The following LUZP2 variants were observed in gnomAD, a reference collection of about 807,000 sequenced individuals.
The protein encoded by LUZP2 is leucine zipper protein 2.
A neutral mutation model predicts 51.6 loss-of-function variants in LUZP2; 52 were observed. The observed-to-expected ratio is 1.01, with a 90% CI of 0.81 to 1.27. The LOEUF (loss-of-function observed/expected upper bound fraction) is 1.27. Among genes scored for constraint, LUZP2 ranks in the 50% most tolerant of loss-of-function variants. The pLI, the probability that LUZP2 is intolerant of heterozygous loss-of-function variation, is 0.00. For missense variants in LUZP2, 436 were observed against 395.4 expected (o/e 1.10, Z -0.87); for synonymous variants, 154 against 137.3 (o/e 1.12, Z -0.85).
At chr11:25,002,328 A>G (rs1856705907) in intron 9 of LUZP2, among the ~76,000 whole-genome samples, 1 of 152,162 alleles carries the variant, frequency 6.6e-6, no homozygotes, top group Non-Finnish European at 1.5e-5. Flanking sequence ...GGGACTTCCA[A>G]GAGATCATCT....
chr11:24,795,376 A>G (rs1163415902), intron 5 of LUZP2, among the ~76,000 whole-genome samples: 1 of 152,170 alleles, frequency 6.6e-6, no homozygotes, highest in Admixed American at 6.6e-5. Context: ...TTCACTGAGT[A>G]TATCTGATTC....
At chr11:24,601,943 TATGTATAA>T (rs1285087509) in intron 1 of LUZP2, among the ~76,000 whole-genome samples, 10 of 136,816 alleles carry the variant, frequency 7.3e-5, no homozygotes, top group African/African-American at 1.9e-4. Context: ...TATATGTATA[TATGTATAA>T]ATGTATATAT....
intron 4 of LUZP2, among the ~76,000 whole-genome samples, chr11:24,758,237 C>T (rs1859844519): frequency 6.6e-6 from 1 of 151,832 alleles, no homozygotes; most frequent in Non-Finnish European, 1.5e-5. Flanking sequence ...AAAATGTGTT[C>T]TATGTTTTGA....
intron 5 of LUZP2, among the ~76,000 whole-genome samples, chr11:24,843,427 G>C (rs1851095544): frequency 6.6e-6 from 1 of 151,998 alleles, no homozygotes; most frequent in Admixed American, 6.6e-5. Flanking sequence ...GAAAATGATA[G>C]GCCAATCTTT....
chr11:24,620,927 C>A (rs1854474337), intron 1 of LUZP2, among the ~76,000 whole-genome samples: 1 of 152,156 alleles, frequency 6.6e-6, no homozygotes, highest in Admixed American at 6.5e-5. Context: ...AATGTCATTA[C>A]CAGTTGAAAA....
chr11:24,848,775 G>C (rs1851288426), intron 5 of LUZP2, among the ~76,000 whole-genome samples: 1 of 152,076 alleles, frequency 6.6e-6, no homozygotes. Flanking sequence ...TATGAGACTA[G>C]CATAATTGAC....
intron 6 of LUZP2, 128 bp from the exon 7 acceptor site, chr11:24,914,348 T>A: frequency 2.9e-6 from 2 of 695,670 alleles, no homozygotes; most frequent in Non-Finnish European, 5.0e-6. Flanking sequence ...TCTGCTTTAC[T>A]TCTAAACTGG....
chr11:24,895,963 A>G (rs1319656661), intron 5 of LUZP2, among the ~76,000 whole-genome samples: 4 of 152,220 alleles, frequency 2.6e-5, no homozygotes, highest in Non-Finnish European at 4.4e-5. Context: ...CCAATACTGT[A>G]TAAGTGTTCC....
rs375210334 is a variant in LUZP2 at position 24,851,453 on chromosome 11, C to T, written c.397-54538C>T. Among the ~76,000 whole-genome samples the T allele has an allele frequency of 4.3e-4, 65 of 152,168 alleles. No homozygotes were observed. The East Asian group carries it at 4.6e-3, about 11-fold the overall frequency. On this transcript the variant is annotated intron_variant, in intron 5 of 11. Coordinates refer to ENST00000336930, the MANE Select transcript of LUZP2 (RefSeq NM_001009909.4). ...CAGCCTTGCATCCCAGGGATGAAGC[C>T]GACTTGATCGTAGTGGATAAGCTTT...
In LUZP2 at chr11:24,783,888, G is replaced by A. The variant is rs117797311; in HGVS notation, c.396+20580G>A. 8.9e-3 allele frequency among the ~76,000 whole-genome samples: 1,352 copies of A among 152,038 alleles called. 6 individuals carry two copies. Among genetic ancestry groups the A allele is most frequent in the South Asian group, 0.014 (69 of 4,824 alleles). ...AAATACCTACCTCAAGGTATTTGTA[G>A]CAACAAGGTCTACCTTTGTTGCTGT... On this transcript the variant is annotated intron_variant, in intron 5 of 11. Coordinates refer to ENST00000336930, the MANE Select transcript of LUZP2 (RefSeq NM_001009909.4).
chr11:24,628,783 T>C (rs759402448), intron 1 of LUZP2, among the ~76,000 whole-genome samples: 8 of 152,120 alleles, frequency 5.3e-5, no homozygotes, highest in Non-Finnish European at 1.2e-4. Flanking sequence ...GATCTGGAAC[T>C]CCTGACCTCA....
At chr11:24,618,003 G>T (rs2133900038) in intron 1 of LUZP2, among the ~76,000 whole-genome samples, 1 of 152,142 alleles carries the variant, frequency 6.6e-6, no homozygotes, top group African/African-American at 2.4e-5. Flanking sequence ...TATTACTACT[G>T]CCAGATAGTG....
In LUZP2 at chr11:24,986,785, G is replaced by T. The variant is rs1035122372; in HGVS notation, c.765+3492G>T. Among the ~76,000 whole-genome samples the T allele has an allele frequency of 4.0e-5, 6 of 151,594 alleles. No individual in the cohort carries two copies. The South Asian group carries it at 8.3e-4, about 21-fold the overall frequency. The stretch of plus-strand genomic sequence containing the variant: ...TATATTCATTTTTTATAAAATATAT[G>T]CTTTATAGAATTTGGAAAAAATAAA... On this transcript the variant is annotated intron_variant, in intron 9 of 11. Transcript: ENST00000336930.
chr11:24,764,559 G>C (rs913171648), intron 5 of LUZP2, among the ~76,000 whole-genome samples: 2 of 150,080 alleles, frequency 1.3e-5, no homozygotes, highest in Non-Finnish European at 3.0e-5. Flanking sequence ...AGCTTCTTAC[G>C]AGGCCAAGGC....
chr11:24,508,999 G>T (rs1850222327), intron 1 of LUZP2, among the ~76,000 whole-genome samples: 1 of 152,072 alleles, frequency 6.6e-6, no homozygotes, highest in South Asian at 2.1e-4. Context: ...CTAGATATTT[G>T]GGAAGTAACT....
chr11:24,985,770 C>T (rs966642520), intron 9 of LUZP2, among the ~76,000 whole-genome samples: 2 of 151,512 alleles, frequency 1.3e-5, no homozygotes, highest in Non-Finnish European at 3.0e-5. Context: ...GTCATAAAAC[C>T]AAGTGCCCGT....
intron 1 of LUZP2, among the ~76,000 whole-genome samples, chr11:24,604,117 T>C (rs1392275228): frequency 6.6e-6 from 1 of 151,890 alleles, no homozygotes; most frequent in African/African-American, 2.4e-5. Context: ...ATTAGAACTA[T>C]CACTCTGACC....
At chr11:25,068,539 A>G (rs956054683) in intron 10 of LUZP2, among the ~76,000 whole-genome samples, 4 of 151,934 alleles carry the variant, frequency 2.6e-5, no homozygotes, top group Non-Finnish European at 5.9e-5. Context: ...AGGGATGCTT[A>G]TAAAAATCAT....
intron 7 of LUZP2, among the ~76,000 whole-genome samples, chr11:24,966,558 G>A (rs1023917764): frequency 4.0e-5 from 6 of 149,564 alleles, no homozygotes; most frequent in Non-Finnish European, 8.9e-5. Flanking sequence ...TTTTGTTTGT[G>A]AATAGTGTGA....
Sources: allele counts gnomAD v4.1 joint callset (sites outside exome capture counted in the v4.1 genomes callset), GRCh38; gene constraint gnomAD v4.1.1; transcripts MANE v1.5; gene names NCBI Gene and HGNC (gene_info 2026-07-23, HGNC 2026-07-21).